Variants in RPTOR observed in about 807,000 individuals in gnomAD.
The protein encoded by RPTOR is regulatory-associated protein of mTOR.
In RPTOR, 21 loss-of-function variants were observed where a neutral mutation model predicts 169.9. The observed-to-expected ratio is 0.12, with a 90% CI of 0.09 to 0.18. RPTOR has a LOEUF of 0.18. Ranked by LOEUF, RPTOR falls within the 10% of genes least tolerant of loss-of-function variation. The pLI is 1.00. For missense variants in RPTOR, 1,133 were observed against 1,855.9 expected (o/e 0.61, Z 7.16); for synonymous variants, 732 against 753.2 (o/e 0.97, Z 0.46).
intron 4 of RPTOR, chr17:80,709,224 A>G (rs1299235675): frequency 2.2e-5 from 9 of 401,862 alleles, no homozygotes; most frequent in Non-Finnish European, 2.4e-5. Flanking sequence ...AGTAAATTCA[A>G]AACGATCGTT....
intron 1 of RPTOR, among the ~76,000 whole-genome samples, chr17:80,573,193 A>C (rs553718776): frequency 1.3e-5 from 2 of 152,310 alleles, no homozygotes; most frequent in South Asian, 4.1e-4. Context: ...CTTTATAAAA[A>C]ATGTGTGAAG....
rs1160205204 is a variant in RPTOR, at chr17:80,730,513, T to C, written c.508-47T>C. 6.2e-7 allele frequency: 1 copy of C among 1,601,650 alleles called. No homozygotes were observed. Among genetic ancestry groups the C allele is most frequent in the South Asian group, 1.1e-5 (1 of 90,610 alleles). ...CGGTGCAGTACTCACCAGCAGCCCA[T>C]ATTCCTGAGACGCACATGTAACGAG... On this transcript the variant is annotated intron_variant, in intron 4 of 33. Coordinates refer to ENST00000306801, the MANE Select transcript of RPTOR (RefSeq NM_020761.3). The surrounding 1 kb of genome is among the most constrained non-coding windows in gnomAD (Gnocchi z 4.2).
intron 3 of RPTOR, among the ~76,000 whole-genome samples, chr17:80,670,757 T>C (rs892947993): frequency 1.3e-5 from 2 of 152,124 alleles, no homozygotes; most frequent in Non-Finnish European, 2.9e-5. Flanking sequence ...CGACACACAG[T>C]AGTTGTTGAA....
At chr17:80,686,815 T>C (rs561126479) in intron 3 of RPTOR, among the ~76,000 whole-genome samples, 1 of 152,336 alleles carries the variant, frequency 6.6e-6, no homozygotes, top group Admixed American at 6.5e-5. Flanking sequence ...GCACCTGCGC[T>C]TCAGAGTAAG....
chr17:80,710,844 G>A (rs543452473), intron 4 of RPTOR, among the ~76,000 whole-genome samples: 8 of 152,122 alleles, frequency 5.3e-5, no homozygotes, highest in Non-Finnish European at 1.2e-4. Context: ...TTGCCTAGGC[G>A]GAGTAATCAA....
chr17:80,745,071 C>A (rs1347234440), intron 5 of RPTOR, among the ~76,000 whole-genome samples: 2 of 152,236 alleles, frequency 1.3e-5, no homozygotes, highest in Non-Finnish European at 2.9e-5. Flanking sequence ...TTAGCTCTTT[C>A]TCCCCCTCCT....
intron 3 of RPTOR, among the ~76,000 whole-genome samples, chr17:80,679,890 C>T (rs187022557): frequency 2.7e-5 from 4 of 146,214 alleles, no homozygotes; most frequent in Non-Finnish European, 6.0e-5. Flanking sequence ...CACTCCCAGG[C>T]TGGGTGAGGT....
chr17:80,691,676 A>G (rs542713908), intron 3 of RPTOR, among the ~76,000 whole-genome samples: 1 of 152,082 alleles, frequency 6.6e-6, no homozygotes, highest in African/African-American at 2.4e-5. Flanking sequence ...TACTTCTTCT[A>G]CCCTAGGCCT....
chr17:80,791,351 C>A, intron 6 of RPTOR, 99 bp from the exon 7 acceptor site: 1 of 987,400 alleles, frequency 1.0e-6, no homozygotes, highest in East Asian at 2.5e-5. Flanking sequence ...GTGGTAGTCC[C>A]TGTCCCCACC....
In RPTOR at chr17:80,685,628, T is replaced by TATA. The variant is rs1491347361; in HGVS notation, c.349-22213_349-22212insATA. 6.0e-3 allele frequency among the ~76,000 whole-genome samples: 135 copies of TATA among 22,658 alleles called. 1 individual carries two copies. The highest frequency in any genetic ancestry group is 0.016 in the Admixed American group (24 of 1,482). The allele number at this position is 22,658 out of a possible 152,430, so 14.9% of individuals were successfully genotyped here. ...ATATATATATATATATATATATATA[T>TATA]TTTTTTTTTTTTTTTTTTTTTTTTT... On this transcript the variant is annotated intron_variant, in intron 3 of 33. Transcript: ENST00000306801.
At chr17:80,585,157 G>T (rs2065047939) in intron 1 of RPTOR, among the ~76,000 whole-genome samples, 1 of 146,644 alleles carries the variant, frequency 6.8e-6, no homozygotes, top group Non-Finnish European at 1.5e-5. Context: ...TCTTGTTTCA[G>T]TGCTTTGGTT....
chr17:80,598,141 C>CA (rs57626765), intron 1 of RPTOR, among the ~76,000 whole-genome samples: 8,795 of 150,220 alleles, frequency 0.059, 837 homozygotes, highest in African/African-American at 0.21. Flanking sequence ...AACCCTGTCT[C>CA]AAAAAAAAAG....
At chr17:80,956,292 TTA>T (rs2069248118) in intron 28 of RPTOR, among the ~76,000 whole-genome samples, 4 of 152,176 alleles carry the variant, frequency 2.6e-5, no homozygotes, top group African/African-American at 9.6e-5. Context: ...GGTACAAGGA[TTA>T]CTATGGTGTT....
intron 3 of RPTOR, among the ~76,000 whole-genome samples, chr17:80,666,497 CG>C (rs562679177): frequency 6.3e-4 from 96 of 152,150 alleles, no homozygotes; most frequent in African/African-American, 2.2e-3. Context: ...GTAGGAAGGG[CG>C]CAAGGATGAA....
intron 9 of RPTOR, among the ~76,000 whole-genome samples, chr17:80,824,114 AC>A (rs1205706566): frequency 6.6e-6 from 1 of 152,162 alleles, no homozygotes; most frequent in African/African-American, 2.4e-5. Flanking sequence ...TAAACTCACT[AC>A]CCATCACCCA....
intron 1 of RPTOR, among the ~76,000 whole-genome samples, chr17:80,606,347 A>T (rs1470554131): frequency 7.9e-4 from 106 of 133,616 alleles, no homozygotes; most frequent in African/African-American, 2.7e-3. Context: ...GCTTTCTGAG[A>T]CTCCAGGAGT....
At chr17:80,605,520 A>G (rs2065222464) in intron 1 of RPTOR, among the ~76,000 whole-genome samples, 1 of 152,162 alleles carries the variant, frequency 6.6e-6, no homozygotes, top group South Asian at 2.1e-4. Flanking sequence ...GTTCTGGACC[A>G]TGGCCGAGAG....
chr17:80,768,290 G>C (rs1425438677), intron 6 of RPTOR, among the ~76,000 whole-genome samples: 1 of 152,190 alleles, frequency 6.6e-6, no homozygotes, highest in Non-Finnish European at 1.5e-5. Flanking sequence ...GAACCATGGA[G>C]TGCGTGATCT....
At chr17:80,557,383 C>T (rs1392734005) in intron 1 of RPTOR, among the ~76,000 whole-genome samples, 1 of 149,222 alleles carries the variant, frequency 6.7e-6, no homozygotes, top group African/African-American at 2.5e-5. Flanking sequence ...TAGGCGTGGT[C>T]GTGGATGCCT....
Sources: allele counts gnomAD v4.1 joint callset (sites outside exome capture counted in the v4.1 genomes callset), GRCh38; gene constraint gnomAD v4.1.1; non-coding constraint Gnocchi (gnomAD v3.1); transcripts MANE v1.5; gene names NCBI Gene and HGNC (gene_info 2026-07-23, HGNC 2026-07-21).